Variants in KAZN observed in about 807,000 individuals in gnomAD.
The protein encoded by KAZN is kazrin.
Under a neutral mutation model 87.4 loss-of-function variants are expected in KAZN, and 40 were observed. The observed-to-expected ratio is 0.46, with a 90% CI of 0.36 to 0.60. KAZN has a LOEUF of 0.60. Ranked by LOEUF, KAZN falls within the 20% of genes least tolerant of loss-of-function variation. The probability of loss-of-function intolerance (pLI) is 0.00; values close to 1 mark genes in which losing one functional copy is unlikely to be tolerated. For synonymous variants in KAZN, 466 were observed against 458.3 expected, an observed-to-expected ratio of 1.02 and a Z score of -0.22; for missense variants, 898 against 1,073.9, an observed-to-expected ratio of 0.84 and a Z score of 2.29.
At chr1:14,246,169 G>A (rs1282667379) in intron 2 of KAZN, among the ~76,000 whole-genome samples, 2 of 152,120 alleles carry the variant, frequency 1.3e-5, no homozygotes, top group East Asian at 1.9e-4. Flanking sequence ...ACTGGGTCCT[G>A]TTGGGGGAGA....
chr1:14,664,587 T>C (rs1639400488), intron 1 of KAZN, among the ~76,000 whole-genome samples: 1 of 152,058 alleles, frequency 6.6e-6, no homozygotes, highest in Non-Finnish European at 1.5e-5. Context: ...CTGTGACAAG[T>C]ACAATATTCC....
intron 2 of KAZN, among the ~76,000 whole-genome samples, chr1:14,448,310 C>T (rs1371462514): frequency 6.6e-6 from 1 of 152,222 alleles, no homozygotes; most frequent in Non-Finnish European, 1.5e-5. Context: ...TAAGGCACCA[C>T]ACAGTGCCAT....
chr1:13,902,877 GC>G (rs1450706037), intron 1 of KAZN, among the ~76,000 whole-genome samples: 3 of 152,310 alleles, frequency 2.0e-5, no homozygotes, highest in Non-Finnish European at 4.4e-5. Flanking sequence ...AAACAGACAA[GC>G]TTTCCCTCCC....
At chr1:14,571,539 G>T (rs931374828) in intron 2 of KAZN, among the ~76,000 whole-genome samples, 1 of 152,114 alleles carries the variant, frequency 6.6e-6, no homozygotes, top group South Asian at 2.1e-4. Context: ...GGGATCAATG[G>T]CTCCATGCGC....
At chr1:14,092,933 T>C (rs1328273859) in intron 1 of KAZN, among the ~76,000 whole-genome samples, 2 of 152,238 alleles carry the variant, frequency 1.3e-5, no homozygotes, top group South Asian at 2.1e-4. Context: ...TTACATTCTG[T>C]GGTTCAGTAT....
chr1:14,092,811 CAAGT>C (rs1460602940), intron 1 of KAZN, among the ~76,000 whole-genome samples: 2 of 152,090 alleles, frequency 1.3e-5, no homozygotes, highest in African/African-American at 4.8e-5. Flanking sequence ...CATTGATTTA[CAAGT>C]AAGTGTTGTG....
intron 1 of KAZN, among the ~76,000 whole-genome samples, chr1:13,996,282 A>C (rs1007788429): frequency 1.3e-5 from 2 of 152,042 alleles, no homozygotes; most frequent in African/African-American, 2.4e-5. Flanking sequence ...GCAGATTCTC[A>C]ACAGCCTCTC....
At position 14,598,703 on chromosome 1, in the gene KAZN, G is replaced by A. The variant is rs527783153; in HGVS notation, c.-295G>A. The A allele has an allele frequency of 7.6e-7, 1 of 1,312,122 alleles. No individual in the cohort carries two copies. The highest frequency in any genetic ancestry group is 2.2e-5 in the South Asian group (1 of 44,656). The allele number at this position is 1,312,122 out of a possible 1,614,324, so 81.3% of individuals were successfully genotyped here. A position where few individuals can be genotyped will look rare whatever the true frequency, so the allele number is the denominator to read the frequency against. On this transcript the variant is annotated 5_prime_UTR_variant, in exon 1 of 15. Transcript: ENST00000376030. This position sits in a 1 kb window ranked among gnomAD's most constrained non-coding sequence, Gnocchi z 4.2. ...CGGTGTCCTTCTTGGAGCAGCTCTC[G>A]GCGCCCGCCCGCCGGGGTCTCGGCG...
intron 1 of KAZN, among the ~76,000 whole-genome samples, chr1:14,654,241 C>A (rs1009581002): frequency 2.8e-5 from 4 of 143,458 alleles, no homozygotes; most frequent in Non-Finnish European, 6.0e-5. Context: ...GAGCCGGGAT[C>A]GTGCCATTGC....
chr1:14,965,192 T>C (rs1664319050), intron 2 of KAZN, among the ~76,000 whole-genome samples: 1 of 152,058 alleles, frequency 6.6e-6, no homozygotes, highest in Non-Finnish European at 1.5e-5. Context: ...CTAATTTTTG[T>C]ATTTTTTTGT....
At chr1:14,029,300 C>T (rs1267355972) in intron 1 of KAZN, among the ~76,000 whole-genome samples, 104 of 69,750 alleles carry the variant, frequency 1.5e-3, no homozygotes, top group Middle Eastern at 4.5e-3. Context: ...TCATGTCCTT[C>T]GCCCACTTTT....
At chr1:14,270,779 T>C (rs1651858994) in intron 2 of KAZN, among the ~76,000 whole-genome samples, 1 of 152,184 alleles carries the variant, frequency 6.6e-6, no homozygotes, top group Non-Finnish European at 1.5e-5. Flanking sequence ...AATAACCCTC[T>C]TTTTTCTGGA....
intron 2 of KAZN, among the ~76,000 whole-genome samples, chr1:14,546,743 C>T (rs1026572914): frequency 2.6e-5 from 4 of 152,196 alleles, no homozygotes; most frequent in Admixed American, 6.5e-5. Context: ...CTAGGAAAAT[C>T]AGACCCCATA....
At chr1:14,389,194 G>A (rs1216444872) in intron 2 of KAZN, among the ~76,000 whole-genome samples, 1 of 152,104 alleles carries the variant, frequency 6.6e-6, no homozygotes, top group African/African-American at 2.4e-5. Flanking sequence ...CCAAAAGTCA[G>A]GCAATAACAA....
chr1:14,721,035 G>A (rs951247002), intron 1 of KAZN, among the ~76,000 whole-genome samples: 3 of 152,198 alleles, frequency 2.0e-5, no homozygotes, highest in South Asian at 2.1e-4. Flanking sequence ...TTCTTGCAAA[G>A]AGCACTATCT....
At chr1:14,999,019 T>A in intron 2 of KAZN, among the ~76,000 whole-genome samples, 1 of 152,194 alleles carries the variant, frequency 6.6e-6, no homozygotes, top group East Asian at 1.9e-4. Flanking sequence ...AATTTAAACA[T>A]TAATTTAAAT....
At chr1:14,186,915 C>T (rs1364919556) in intron 2 of KAZN, among the ~76,000 whole-genome samples, 2 of 152,088 alleles carry the variant, frequency 1.3e-5, no homozygotes, top group East Asian at 1.9e-4. Context: ...GATAACTGGA[C>T]GTTGAAGTGC....
chr1:14,646,375 G>A (rs541226783), intron 1 of KAZN, among the ~76,000 whole-genome samples: 2 of 152,276 alleles, frequency 1.3e-5, no homozygotes, highest in South Asian at 2.1e-4. Context: ...TTGTGCCACT[G>A]CCCTCTAGCC....
chr1:13,967,931 G>A (rs1328876687), intron 1 of KAZN, among the ~76,000 whole-genome samples: 1 of 152,196 alleles, frequency 6.6e-6, no homozygotes, highest in Non-Finnish European at 1.5e-5. Context: ...TGGCATTGGA[G>A]CTCCTGCCTC....
Sources: allele counts gnomAD v4.1 joint callset (sites outside exome capture counted in the v4.1 genomes callset), GRCh38; gene constraint gnomAD v4.1.1; non-coding constraint Gnocchi (gnomAD v3.1); transcripts MANE v1.5; gene names NCBI Gene and HGNC (gene_info 2026-07-23, HGNC 2026-07-21).